The following MOB1A variants were observed in gnomAD, a reference collection of about 807,000 sequenced individuals.
The protein encoded by MOB1A is MOB1 Mps One Binder homolog A.
In MOB1A, 10 loss-of-function variants were observed where a neutral mutation model predicts 25.1. The ratio of observed to expected loss-of-function variants is 0.40; its 90% CI spans 0.25 to 0.68. The LOEUF is 0.68. Ranked by LOEUF, MOB1A falls within the 30% of genes least tolerant of loss-of-function variation. The probability of loss-of-function intolerance (pLI) is 0.40; values close to 1 mark genes in which losing one functional copy is unlikely to be tolerated. For missense variants in MOB1A, 177 were observed against 256.3 expected (o/e 0.69, Z 2.11); for synonymous variants, 81 against 79.5 (o/e 1.02, Z -0.10).
At chr2:74,176,358 TA>T (rs371914834) in intron 1 of MOB1A, among the ~76,000 whole-genome samples, 25 of 131,630 alleles carry the variant, frequency 1.9e-4, no homozygotes, top group African/African-American at 3.4e-4. Flanking sequence ...TTTAACATGA[TA>T]AAAAAAACTA....
intron 3 of MOB1A, among the ~76,000 whole-genome samples, chr2:74,166,109 G>GAA (rs376055293): frequency 1.4e-5 from 2 of 144,176 alleles, no homozygotes; most frequent in African/African-American, 5.1e-5. Context: ...TTTATTATAA[G>GAA]AAAAAAAAAA....
At position 74,178,574 on chromosome 2, in the gene MOB1A, C is replaced by G. The variant is rs953192561; in HGVS notation, c.14+87G>C. 1.0e-4 allele frequency: 104 copies of G among 1,000,888 alleles called. No individual in the cohort carries two copies. In the African/African-American group the frequency reaches 1.5e-3, roughly 15 times the overall value. 62.0% of individuals were successfully genotyped at this position (1,000,888 alleles called of 1,614,324 possible). A position where few individuals can be genotyped will look rare whatever the true frequency, so the allele number is the denominator to read the frequency against. On this transcript the variant is annotated intron_variant, in intron 1 of 5. Coordinates refer to ENST00000396049, the MANE Select transcript of MOB1A (RefSeq NM_018221.5). ...GCTACCCCGCCCCCGCCTCGGCCCC[C>G]AGGCCGAGCCCTCGCCTCAGGTCCG...
rs370111358 is a variant in MOB1A, at chr2:74,171,097, T to C, written c.181+1489A>G. ...GAGTTCGAGACCAGCCTGGCCAACATGGCAAAACCTCCTCTCTACTAAAAA... is the reference window on the plus strand; with the variant it reads ...GAGTTCGAGACCAGCCTGGCCAACACGGCAAAACCTCCTCTCTACTAAAAA... On this transcript the variant is annotated intron_variant, in intron 2 of 5. Coordinates refer to ENST00000396049, the MANE Select transcript of MOB1A (RefSeq NM_018221.5). 3.9e-5 allele frequency among the ~76,000 whole-genome samples: 6 copies of C among 152,094 alleles called. No individual in the cohort carries two copies. In the East Asian group the frequency reaches 1.2e-3, roughly 29 times the overall value.
At chr2:74,171,331 A>G (rs1028088742) in intron 2 of MOB1A, among the ~76,000 whole-genome samples, 1 of 152,044 alleles carries the variant, frequency 6.6e-6, no homozygotes, top group African/African-American at 2.4e-5. Flanking sequence ...AGAAACATTT[A>G]TGGGACAGTC....
intron 2 of MOB1A, 36 bp downstream of exon 2, chr2:74,172,550 T>G: frequency 6.3e-7 from 1 of 1,585,142 alleles, no homozygotes; most frequent in Non-Finnish European, 8.6e-7. Flanking sequence ...AGCAAAACCT[T>G]TCTAGAAAAC....
rs1353286570 is a variant in MOB1A at position 74,153,768 on chromosome 2, AGAG to A, written c.*2797_*2799del. The A allele has an allele frequency of 6.6e-6, 1 of 152,250 alleles. No homozygotes were observed. The highest frequency in any genetic ancestry group is 1.5e-5 in the Non-Finnish European group (1 of 68,066). 9.4% of individuals were successfully genotyped at this position (152,250 alleles called of 1,614,324 possible). On this transcript the variant is annotated 3_prime_UTR_variant, in exon 6 of 6. Coordinates refer to ENST00000396049, the MANE Select transcript of MOB1A (RefSeq NM_018221.5). ...TATGAAGAGCAGAGATCAGACACTG[AGAG>A]GAGATGGCTTCTGATTAGCAAGGGG...
intron 4 of MOB1A, chr2:74,164,537 A>AT (rs1693071840): frequency 6.6e-6 from 1 of 151,996 alleles, no homozygotes; most frequent in African/African-American, 2.4e-5. Flanking sequence ...AAAAATAAAA[A>AT]AAGAAAACAT....
Position 74,155,143 on chromosome 2 carries a change from A to C in MOB1A, c.*1425T>G, listed in dbSNP as rs1368808464. ...CCACATAGAATGCTGATGAACTTAA[A>C]GCTTTGCCAGTTTGGCAAGTCTTCC... On this transcript the variant is annotated 3_prime_UTR_variant, in exon 6 of 6. Coordinates refer to ENST00000396049, the MANE Select transcript of MOB1A (RefSeq NM_018221.5). 2 of 152,432 alleles carry C rather than the reference A, an allele frequency of 1.3e-5. No homozygotes were observed. Among genetic ancestry groups the C allele is most frequent in the African/African-American group, 4.8e-5 (2 of 41,472 alleles). The allele number at this position is 152,432 out of a possible 1,614,324, so 9.4% of individuals were successfully genotyped here.
At chr2:74,173,171 A>G (rs766006387) in intron 1 of MOB1A, 34 of 517,290 alleles carry the variant, frequency 6.6e-5, no homozygotes, top group African/African-American at 5.6e-4. Flanking sequence ...AAATGCCAAG[A>G]TAGGAAGATG....
chr2:74,170,724 CA>C (rs34655105), intron 2 of MOB1A, among the ~76,000 whole-genome samples: 190 of 121,864 alleles, frequency 1.6e-3, no homozygotes, highest in Non-Finnish European at 1.8e-3. Context: ...GATTCCATCT[CA>C]AAAAAAAAAA....
chr2:74,174,905 G>A (rs566533068), intron 1 of MOB1A, among the ~76,000 whole-genome samples: 46 of 152,192 alleles, frequency 3.0e-4, no homozygotes, highest in Middle Eastern at 3.2e-3. Flanking sequence ...TTCAATTAAA[G>A]TAAGATTTAT....
At chr2:74,166,761 G>A (rs779421028) in intron 3 of MOB1A, among the ~76,000 whole-genome samples, 1 of 152,158 alleles carries the variant, frequency 6.6e-6, no homozygotes, top group African/African-American at 2.4e-5. Context: ...GCTTGAACCC[G>A]GAAGGCAGAG....
At chr2:74,169,810 G>A (rs1479174079) in intron 2 of MOB1A, among the ~76,000 whole-genome samples, 5 of 151,886 alleles carry the variant, frequency 3.3e-5, no homozygotes, top group Admixed American at 1.3e-4. Context: ...TGTATTTTTA[G>A]TAGAGCTGGT....
intron 3 of MOB1A, among the ~76,000 whole-genome samples, chr2:74,166,638 C>T (rs1012659809): frequency 2.0e-5 from 3 of 152,104 alleles, no homozygotes; most frequent in African/African-American, 7.2e-5. Context: ...AGTTTGAGAC[C>T]AGCCCTGGGG....
intron 5 of MOB1A, among the ~76,000 whole-genome samples, chr2:74,157,454 G>A (rs564014955): frequency 5.9e-5 from 9 of 152,156 alleles, no homozygotes; most frequent in African/African-American, 1.7e-4. Context: ...TTCTATAAGC[G>A]GCTCTAGCAA....
intron 4 of MOB1A, among the ~76,000 whole-genome samples, 181 bp from the exon 5 acceptor site, chr2:74,159,435 G>A (rs1004983031): frequency 1.2e-4 from 18 of 151,936 alleles, no homozygotes; most frequent in African/African-American, 3.9e-4. Context: ...TGCACTACAC[G>A]CCACCATGCC....
At chr2:74,168,049 G>A (rs1182739913) in intron 2 of MOB1A, among the ~76,000 whole-genome samples, 1 of 152,214 alleles carries the variant, frequency 6.6e-6, no homozygotes, top group South Asian at 2.1e-4. Flanking sequence ...TGAGGCGAGA[G>A]GACTGCTTGA....
intron 5 of MOB1A, among the ~76,000 whole-genome samples, chr2:74,157,101 T>G (rs1692827247): frequency 6.7e-6 from 1 of 150,244 alleles, no homozygotes; most frequent in Admixed American, 6.6e-5. Context: ...CTATAAAGCT[T>G]CAGGATGGGA....
At chr2:74,166,537 A>G (rs1558835024) in intron 3 of MOB1A, among the ~76,000 whole-genome samples, 1 of 152,216 alleles carries the variant, frequency 6.6e-6, no homozygotes, top group Non-Finnish European at 1.5e-5. Context: ...AAAGTATTTA[A>G]TAATAACTAA....
Sources: gnomAD v4.1 joint callset for allele counts (sites outside exome capture counted in the v4.1 genomes callset) on GRCh38, gnomAD v4.1.1 for gene constraint, MANE v1.5 for transcripts, NCBI Gene and HGNC (gene_info 2026-07-23, HGNC 2026-07-21) for gene names.